The following ABCC9 variants were observed in gnomAD, a reference collection of about 807,000 sequenced individuals.
ABCC9 encodes the protein ATP binding cassette subfamily C member 9.
ABCC9 carries 95 observed loss-of-function variants against 188.3 expected under a neutral mutation model. That is an observed-to-expected ratio of 0.50 (90% CI 0.43 to 0.60). The LOEUF (loss-of-function observed/expected upper bound fraction) is 0.60. ABCC9 is among the 20% of genes least tolerant of loss of function. ABCC9 has a pLI of 0.00. For missense variants in ABCC9, 1,102 were observed against 1,876.3 expected, an observed-to-expected ratio of 0.59 and a Z score of 7.62; for synonymous variants, 659 against 652.7, an observed-to-expected ratio of 1.01 and a Z score of -0.15.
At chr12:21,813,904 GATAATA>G (rs547738726) in intron 35 of ABCC9, among the ~76,000 whole-genome samples, 1 of 152,148 alleles carries the variant, frequency 6.6e-6, no homozygotes, top group Admixed American at 6.5e-5. Context: ...AATCATTACA[GATAATA>G]ATAGTAAGCA....
At chr12:21,857,268 A>G (rs113072926) in intron 22 of ABCC9, among the ~76,000 whole-genome samples, 2 of 152,176 alleles carry the variant, frequency 1.3e-5, no homozygotes, top group African/African-American at 4.8e-5. Flanking sequence ...GTTATACAAA[A>G]TATGTTATTT....
At chr12:21,909,282 C>G (rs1188727761) in intron 10 of ABCC9, among the ~76,000 whole-genome samples, 1 of 151,526 alleles carries the variant, frequency 6.6e-6, no homozygotes, top group South Asian at 2.1e-4. Flanking sequence ...TTTTTTTTGC[C>G]TTGGTTTTCT....
chr12:21,921,949 T>C (rs906245711), intron 5 of ABCC9, among the ~76,000 whole-genome samples: 1 of 152,048 alleles, frequency 6.6e-6, no homozygotes, highest in Non-Finnish European at 1.5e-5. Flanking sequence ...TTTATGCCAG[T>C]ACCATGCCAT....
chr12:21,874,187 C>T (rs1946220649), intron 17 of ABCC9, among the ~76,000 whole-genome samples: 2 of 151,724 alleles, frequency 1.3e-5, no homozygotes, highest in South Asian at 4.2e-4. Context: ...TAAAAATGGG[C>T]AAAGAACCCG....
intron 12 of ABCC9, 80 bp downstream of exon 12, chr12:21,906,046 A>G: frequency 1.4e-6 from 2 of 1,461,042 alleles, no homozygotes; most frequent in Non-Finnish European, 1.9e-6. Flanking sequence ...TGTTTCATTG[A>G]TCACAATCTA....
chr12:21,925,573 C>A (rs1043413344), intron 5 of ABCC9: 5 of 700,692 alleles, frequency 7.1e-6, no homozygotes, highest in Non-Finnish European at 1.0e-5. Flanking sequence ...GAGGAGATGA[C>A]TTGTTCACAG....
chr12:21,940,608 A>T (rs1053098378), intron 2 of ABCC9, 102 bp downstream of exon 2: 1 of 152,218 alleles, frequency 6.6e-6, no homozygotes, highest in Admixed American at 6.5e-5. Flanking sequence ...ACCATCCCAC[A>T]CCAAAAGAAA....
Position 21,910,898 on chromosome 12 carries a change from C to A in ABCC9, c.1092G>T (p.Leu364=), listed in dbSNP as rs1207888326. The part of the protein sequence containing the change: ...LAVLLFLALI[L]QRTFLQASYY... ...AGGAAGCCTGCAAAAATGTCCTTTG[C>A]AGAATAAGAGCCAAGAAGAGAAGAA... Residue 364 remains leucine, a synonymous_variant, in exon 9 of 40, where the codon CTG becomes CTT. Transcript: ENST00000261200. 5 of 1,612,418 alleles carry A rather than the reference C, an allele frequency of 3.1e-6. No homozygotes were observed. The highest frequency in any genetic ancestry group is 4.2e-6 in the Non-Finnish European group (5 of 1,178,920).
chr12:21,884,048 A>G (rs574042401), intron 15 of ABCC9, among the ~76,000 whole-genome samples: 8 of 151,846 alleles, frequency 5.3e-5, no homozygotes, highest in Non-Finnish European at 1.2e-4. Context: ...AAACATATTG[A>G]GTCAGTATTT....
chr12:21,814,574 T>G (rs1464295584), intron 35 of ABCC9, 70 bp downstream of exon 35: 96 of 1,266,472 alleles, frequency 7.6e-5, no homozygotes, highest in Non-Finnish European at 1.1e-4. Context: ...TTCTGCAGGA[T>G]TAGGTAAATT....
intron 20 of ABCC9, among the ~76,000 whole-genome samples, chr12:21,861,638 C>T (rs1945512729): frequency 1.3e-5 from 2 of 152,108 alleles, no homozygotes; most frequent in South Asian, 2.1e-4. Context: ...GTATAAAGCA[C>T]TCCTAGAACA....
At chr12:21,898,358 G>A (rs2137771779) in intron 12 of ABCC9, among the ~76,000 whole-genome samples, 1 of 152,226 alleles carries the variant, frequency 6.6e-6, no homozygotes, top group East Asian at 1.9e-4. Context: ...TGAAGAGAAG[G>A]ATGTATTGAA....
chr12:21,936,155 CTT>C (rs1388123909), intron 3 of ABCC9, among the ~76,000 whole-genome samples: 2 of 152,126 alleles, frequency 1.3e-5, no homozygotes, highest in Non-Finnish European at 2.9e-5. Context: ...TTTCTCATGA[CTT>C]TAACACATCT....
At position 21,875,686 on chromosome 12, in the gene ABCC9, G is replaced by A. The variant is rs1355749022; in HGVS notation, c.2060C>T (p.Thr687Ile). 2 of 1,612,714 alleles carry A rather than the reference G, an allele frequency of 1.2e-6. No individual in the cohort carries two copies. Among genetic ancestry groups the A allele is most frequent in the Non-Finnish European group, 1.7e-6 (2 of 1,178,826 alleles). The change falls in exon 17 of 40, where the codon ACA (threonine) becomes ATA (isoleucine). Residue 687 changes from threonine to isoleucine, a missense_variant. This residue lies in a region of ABCC9 where 258 missense variants were observed against 325.6 expected (regional missense o/e 0.79). Transcript: ENST00000261200. Reference protein sequence around the residue: ...GYFSWGSGLATLSNIDIRIPT... With the variant: ...GYFSWGSGLAILSNIDIRIPT... ...AATTCGAATATCTATATTGGATAAT[G>A]TAGCTAAACCACTGCCCCATGAAAA...
intron 35 of ABCC9, among the ~76,000 whole-genome samples, chr12:21,813,449 A>G (rs1237082724): frequency 6.6e-6 from 1 of 152,204 alleles, no homozygotes; most frequent in Non-Finnish European, 1.5e-5. Flanking sequence ...ATAATAGATC[A>G]GAAATAATAA....
rs369277990 is a variant in ABCC9, at chr12:21,941,022, G to C, written c.-137+178C>G. Among the ~76,000 whole-genome samples, 24 of 152,234 alleles carry C rather than the reference G, an allele frequency of 1.6e-4. No homozygotes were observed. In the East Asian group the frequency reaches 4.3e-3, roughly 27 times the overall value. On this transcript the variant is annotated intron_variant, in intron 1 of 39. Transcript: ENST00000261200. The surrounding 1 kb of genome is among the most constrained non-coding windows in gnomAD (Gnocchi z 5.4). ...CCTGATCCCCACCCCTTCACTTCTCGAGCCGGGCCTCGTCCCTTAATTCTA... is the reference window on the plus strand; with the variant it reads ...CCTGATCCCCACCCCTTCACTTCTCCAGCCGGGCCTCGTCCCTTAATTCTA...
At chr12:21,876,648 A>C (rs1275335271) in intron 16 of ABCC9, among the ~76,000 whole-genome samples, 1 of 152,236 alleles carries the variant, frequency 6.6e-6, no homozygotes, top group African/African-American at 2.4e-5. Flanking sequence ...AGTTATACAA[A>C]TAGGAAATAA....
intron 32 of ABCC9, among the ~76,000 whole-genome samples, chr12:21,817,693 G>T (rs773438695): frequency 6.6e-6 from 1 of 152,148 alleles, no homozygotes; most frequent in African/African-American, 2.4e-5. Flanking sequence ...CAAGATCTGA[G>T]AAGTTCTTAA....
chr12:21,842,852 A>C (rs1166057635), intron 28 of ABCC9, among the ~76,000 whole-genome samples: 1 of 152,108 alleles, frequency 6.6e-6, no homozygotes, highest in African/African-American at 2.4e-5. Flanking sequence ...CTATTCCTCT[A>C]CTGTAATACA....
Sources: allele counts gnomAD v4.1 joint callset (sites outside exome capture counted in the v4.1 genomes callset), GRCh38; gene constraint gnomAD v4.1.1; regional missense constraint gnomAD v4.1.1; non-coding constraint Gnocchi (gnomAD v3.1); transcripts MANE v1.5; gene names NCBI Gene and HGNC (gene_info 2026-07-23, HGNC 2026-07-21).